ABCD4: variants seen among roughly 807,000 people sequenced by gnomAD.
The protein encoded by ABCD4 is lysosomal cobalamin transporter ABCD4.
ABCD4 carries 53 observed loss-of-function variants against 86.3 expected under a neutral mutation model. The observed-to-expected ratio is 0.61, with a 90% CI of 0.49 to 0.77. The LOEUF (loss-of-function observed/expected upper bound fraction) is 0.77, where lower values mean the gene tolerates loss of function less well. Ranked by LOEUF, ABCD4 falls within the 30% of genes least tolerant of loss-of-function variation. The probability of loss-of-function intolerance (pLI) is 0.00; values close to 1 mark genes in which losing one functional copy is unlikely to be tolerated. For synonymous variants in ABCD4, 328 were observed against 313.6 expected, an observed-to-expected ratio of 1.05 and a Z score of -0.49; for missense variants, 757 against 764.5, an observed-to-expected ratio of 0.99 and a Z score of 0.12.
Position 74,286,435 on chromosome 14 carries a change from T to C in ABCD4, c.*26A>G, listed in dbSNP as rs2079760365. 6.2e-7 allele frequency: 1 copy of C among 1,613,176 alleles called. No individual in the cohort carries two copies. Among genetic ancestry groups the C allele is most frequent in the African/African-American group, 1.3e-5 (1 of 74,944 alleles). ...TGAGGGCCGCCGACCCGCCACAGTG[T>C]GGCTCTCCTTCCAAAAGCCAGAGCT... On this transcript the variant is annotated 3_prime_UTR_variant, in exon 19 of 19. Transcript: ENST00000356924.
chr14:74,299,400 A>C (rs2083714982), intron 3 of ABCD4, 148 bp downstream of exon 3: 1 of 1,006,698 alleles, frequency 9.9e-7, no homozygotes, highest in African/African-American at 1.6e-5. Flanking sequence ...GTGCTTAATA[A>C]AGGCAACTAT....
chr14:74,302,462 C>G (rs986639285), intron 1 of ABCD4, among the ~76,000 whole-genome samples: 1 of 152,254 alleles, frequency 6.6e-6, no homozygotes, highest in Middle Eastern at 3.4e-3. Context: ...GAGTGGCTGT[C>G]TGAAAAGGGG....
intron 17 of ABCD4, 34 bp downstream of exon 17, chr14:74,287,776 G>T: frequency 6.3e-7 from 1 of 1,580,622 alleles, no homozygotes; most frequent in Non-Finnish European, 8.6e-7. Context: ...TGCAGACAGC[G>T]CATGGCATGT....
intron 8 of ABCD4, 48 bp downstream of exon 8, chr14:74,293,106 G>C: frequency 6.3e-7 from 1 of 1,582,190 alleles, no homozygotes; most frequent in Non-Finnish European, 8.7e-7. Context: ...AAGGGAAGCA[G>C]ACCAGTCCAA....
At chr14:74,286,961 G>T in intron 17 of ABCD4, 145 bp from the exon 18 acceptor site, 1 of 689,420 alleles carries the variant, frequency 1.5e-6, no homozygotes, top group Non-Finnish European at 2.4e-6. Context: ...TCAGGGAGAA[G>T]GATGGGCCAG....
rs748392342 is a variant in ABCD4 at position 74,285,493 on chromosome 14, T to C, written c.*968A>G. ...GTGTAAAATTTCACTTAAAAATCCATTTAAACTTAAAAGGTTTGTTTTTAA... is the reference window on the plus strand; with the variant it reads ...GTGTAAAATTTCACTTAAAAATCCACTTAAACTTAAAAGGTTTGTTTTTAA... On this transcript the variant is annotated 3_prime_UTR_variant, in exon 19 of 19. Coordinates refer to ENST00000356924, the MANE Select transcript of ABCD4 (RefSeq NM_005050.4). 1.3e-5 allele frequency: 2 copies of C among 152,212 alleles called. No individual in the cohort carries two copies. The highest frequency in any genetic ancestry group is 6.5e-5 in the Admixed American group (1 of 15,272). 9.4% of individuals were successfully genotyped at this position (152,212 alleles called of 1,614,324 possible).
rs1396600841 is a variant in ABCD4, at chr14:74,289,616, A to G, written c.1420-97T>C. 1.6e-5 allele frequency: 24 copies of G among 1,547,400 alleles called. No homozygotes were observed. In the Middle Eastern group the frequency reaches 5.2e-4, roughly 34 times the overall value. On this transcript the variant is annotated intron_variant, in intron 13 of 18. Transcript: ENST00000356924. ...CCTCCAGAACCCACTGGAACCTCCC[A>G]AGGAGGAGAGGTGGGAACGCCTGGC...
chr14:74,298,053 TG>T lies in ABCD4; in HGVS notation c.301del (p.Gln101SerfsTer9). 1 of 1,613,758 alleles carries T rather than the reference TG, an allele frequency of 6.2e-7. No homozygotes were observed. The highest frequency in any genetic ancestry group is 8.5e-7 in the Non-Finnish European group (1 of 1,179,928). The stretch of plus-strand genomic sequence containing the variant: ...CACATACAGCAGGTTGCAGGTGAAC[TG>T]ATCAAAGCTCTTCAGCTGTGCAGTG... ...VLNSTLKSFDQFTCNLLYVSW... is the reference protein window; with the variant it reads ...VLNSTLKSFDXFTCNLLYVSW... On this transcript the variant is annotated frameshift_variant, in exon 4 of 19. Transcript: ENST00000356924. LOFTEE classifies it high-confidence loss of function.
At position 74,291,337 on chromosome 14, in the gene ABCD4, T is replaced by C. The variant is rs184813544; in HGVS notation, c.1119-838A>G. 1.6e-4 allele frequency among the ~76,000 whole-genome samples: 24 copies of C among 152,348 alleles called. No individual in the cohort carries two copies. In the East Asian group the frequency reaches 4.6e-3, roughly 29 times the overall value. On this transcript the variant is annotated intron_variant, in intron 11 of 18. Transcript: ENST00000356924. ...ACAAAGCCCCTTATGGGACTGATCT[T>C]ACTCAGTCTAATGCCCATGAGTCTC...
At chr14:74,289,368 G>A in intron 14 of ABCD4, 115 bp downstream of exon 14, 4 of 1,506,810 alleles carry the variant, frequency 2.7e-6, no homozygotes, top group South Asian at 2.7e-5. Context: ...CCTCTTCCTT[G>A]AATCAGCGGC....
intron 1 of ABCD4, 38 bp from the exon 2 acceptor site, chr14:74,300,306 C>T (rs1201698356): frequency 7.3e-7 from 1 of 1,378,316 alleles, no homozygotes; most frequent in South Asian, 1.2e-5. Flanking sequence ...AAGCCCAAGA[C>T]AATAATTAAG....
intron 1 of ABCD4, among the ~76,000 whole-genome samples, chr14:74,300,478 G>C (rs963353856): frequency 6.6e-6 from 1 of 151,742 alleles, no homozygotes; most frequent in Non-Finnish European, 1.5e-5. Flanking sequence ...TGTAATCCCA[G>C]CTACTCGGGA....
chr14:74,302,834 A>C (rs1255484797), intron 1 of ABCD4, 41 bp downstream of exon 1: 1 of 1,598,162 alleles, frequency 6.3e-7, no homozygotes, highest in Non-Finnish European at 8.5e-7. Flanking sequence ...TACAGCCCGG[A>C]ACTCCTGCTC....
At chr14:74,288,949 TA>T in intron 14 of ABCD4, 184 bp from the exon 15 acceptor site, 1 of 923,718 alleles carries the variant, frequency 1.1e-6, no homozygotes, top group Non-Finnish European at 1.5e-6. Flanking sequence ...CTGTCTCTAC[TA>T]AATATACAAA....
At position 74,289,460 on chromosome 14, in the gene ABCD4, T is replaced by C. The variant is rs2080847147; in HGVS notation, c.1456+23A>G. ...ACAACCATGACAGAAGGAGAGGACA[T>C]GACCTAAGGAGGACCAGCTCACCTG... On this transcript the variant is annotated intron_variant, in intron 14 of 18. Coordinates refer to ENST00000356924, the MANE Select transcript of ABCD4 (RefSeq NM_005050.4). 1.9e-6 allele frequency: 3 copies of C among 1,613,486 alleles called. No individual in the cohort carries two copies. In the East Asian group the frequency reaches 6.7e-5, roughly 36 times the overall value.
chr14:74,301,514 C>A (rs575110496), intron 1 of ABCD4, among the ~76,000 whole-genome samples: 5 of 152,216 alleles, frequency 3.3e-5, no homozygotes, highest in Non-Finnish European at 5.9e-5. Context: ...CATAGGAAAT[C>A]CACAGAGAAG....
At chr14:74,298,119 C>A (rs991794086) in intron 3 of ABCD4, 50 bp from the exon 4 acceptor site, 3 of 1,599,018 alleles carry the variant, frequency 1.9e-6, no homozygotes, top group Non-Finnish European at 2.6e-6. Context: ...TCCTGAAAAT[C>A]TCAGCTCAAA....
chr14:74,293,375 G>T, intron 7 of ABCD4, 127 bp from the exon 8 acceptor site: 1 of 780,196 alleles, frequency 1.3e-6, no homozygotes, highest in Non-Finnish European at 2.1e-6. Flanking sequence ...CTCAGGATCT[G>T]TCTACTGGTA....
At chr14:74,295,694 A>G in intron 6 of ABCD4, 160 bp downstream of exon 6, 1 of 906,594 alleles carries the variant, frequency 1.1e-6, no homozygotes, top group Non-Finnish European at 1.7e-6. Context: ...TTTCCACTTT[A>G]GAGACAAGAA....
Sources: gnomAD v4.1 joint callset for allele counts (sites outside exome capture counted in the v4.1 genomes callset) on GRCh38, gnomAD v4.1.1 for gene constraint, MANE v1.5 for transcripts, NCBI Gene and HGNC (gene_info 2026-07-23, HGNC 2026-07-21) for gene names.